The following SORCS2 variants were observed in gnomAD, a reference collection of about 807,000 sequenced individuals.
The protein encoded by SORCS2 is VPS10 domain-containing receptor SorCS2.
In SORCS2, 100 loss-of-function variants were observed where a neutral mutation model predicts 141.6. The ratio of observed to expected loss-of-function variants is 0.71; its 90% CI spans 0.60 to 0.83. The LOEUF (loss-of-function observed/expected upper bound fraction) is 0.83, where lower values mean the gene tolerates loss of function less well. Ranked by LOEUF, SORCS2 falls within the 40% of genes least tolerant of loss-of-function variation. The pLI is 0.00. For missense variants in SORCS2, 1,646 were observed against 1,560.2 expected (o/e 1.05, Z -0.93); for synonymous variants, 789 against 676.9 (o/e 1.17, Z -2.57).
intron 2 of SORCS2, among the ~76,000 whole-genome samples, chr4:7,522,200 G>A (rs1345140738): frequency 4.6e-5 from 7 of 152,348 alleles, no homozygotes; most frequent in Admixed American, 1.3e-4. Flanking sequence ...GTGTTCGCAA[G>A]TGGGAGTGGG....
At chr4:7,423,007 C>A (rs768056639) in intron 2 of SORCS2, among the ~76,000 whole-genome samples, 2 of 149,960 alleles carry the variant, frequency 1.3e-5, no homozygotes, top group South Asian at 2.2e-4. Flanking sequence ...TACCCCCCAC[C>A]CCTCTCTCCA....
intron 1 of SORCS2, among the ~76,000 whole-genome samples, chr4:7,228,241 A>G (rs748484766): frequency 2.6e-5 from 4 of 152,148 alleles, no homozygotes; most frequent in Non-Finnish European, 5.9e-5. Flanking sequence ...CTGTGAAGAT[A>G]CCAGTCACGT....
intron 2 of SORCS2, among the ~76,000 whole-genome samples, chr4:7,418,848 A>C (rs7682286): frequency 3.9e-5 from 6 of 151,954 alleles, no homozygotes; most frequent in African/African-American, 1.5e-4. Context: ...TAAGCAGCCA[A>C]TTATCTTGGT....
intron 3 of SORCS2, among the ~76,000 whole-genome samples, chr4:7,572,981 A>C (rs755850036): frequency 6.6e-6 from 1 of 152,244 alleles, no homozygotes; most frequent in Non-Finnish European, 1.5e-5. Context: ...GTCATAGTCT[A>C]AATCCCTTTG....
intron 25 of SORCS2, chr4:7,735,491 T>C (rs1360708677): frequency 6.5e-6 from 1 of 154,370 alleles, no homozygotes; most frequent in Non-Finnish European, 1.5e-5. Flanking sequence ...CTTACCCACC[T>C]TGTTACTCAA....
chr4:7,717,168 C>T (rs1296466165), intron 17 of SORCS2, among the ~76,000 whole-genome samples: 3 of 152,170 alleles, frequency 2.0e-5, no homozygotes, highest in Non-Finnish European at 4.4e-5. Flanking sequence ...TCTCCAGCCT[C>T]GTGCCACACC....
chr4:7,224,091 G>A (rs4689657), intron 1 of SORCS2, among the ~76,000 whole-genome samples: 10 of 152,002 alleles, frequency 6.6e-5, no homozygotes, highest in African/African-American at 2.2e-4. Flanking sequence ...GTGGCCTGGC[G>A]TGCTGGTTTC....
chr4:7,709,800 C>T (rs1725705319), intron 14 of SORCS2, among the ~76,000 whole-genome samples: 1 of 152,170 alleles, frequency 6.6e-6, no homozygotes, highest in South Asian at 2.1e-4. Flanking sequence ...GTCACTTTCA[C>T]CTGCCTCTCT....
chr4:7,574,201 C>T (rs959172687), intron 3 of SORCS2, among the ~76,000 whole-genome samples: 6 of 152,238 alleles, frequency 3.9e-5, no homozygotes, highest in Non-Finnish European at 7.3e-5. Flanking sequence ...TGCGCCTTTG[C>T]GGCCCCAGGA....
intron 3 of SORCS2, among the ~76,000 whole-genome samples, chr4:7,621,422 TGTGTGTGA>T (rs1331087581): frequency 1.7e-4 from 26 of 150,702 alleles, no homozygotes; most frequent in Admixed American, 9.3e-4. Flanking sequence ...TGTTTGTGTG[TGTGTGTGA>T]GTGTGTGTCT....
chr4:7,575,693 G>A lies in SORCS2; in HGVS notation c.648+44064G>A, dbSNP rs527407333. ...TGATGACCACACGTGGCTGGGAGCCGCTGGACTGGACACTTGCTCCTGTGT... is the reference window on the plus strand; with the variant it reads ...TGATGACCACACGTGGCTGGGAGCCACTGGACTGGACACTTGCTCCTGTGT... On this transcript the variant is annotated intron_variant, in intron 3 of 26. Coordinates refer to ENST00000507866, the MANE Select transcript of SORCS2 (RefSeq NM_020777.3). Among the ~76,000 whole-genome samples the A allele has an allele frequency of 1.6e-4, 25 of 152,312 alleles. No homozygotes were observed. The South Asian group carries it at 3.9e-3, about 24-fold the overall frequency.
At chr4:7,443,699 C>A (rs1277283516) in intron 2 of SORCS2, among the ~76,000 whole-genome samples, 1 of 152,246 alleles carries the variant, frequency 6.6e-6, no homozygotes, top group Non-Finnish European at 1.5e-5. Context: ...TGAGGCCACA[C>A]CTCCAGAGTC....
chr4:7,276,262 T>G (rs11937699), intron 1 of SORCS2, among the ~76,000 whole-genome samples: 14,986 of 152,162 alleles, frequency 0.098, 1,100 homozygotes, highest in Admixed American at 0.24. Context: ...TCATGGGGCT[T>G]TGGAAGAGAT....
chr4:7,657,960 AGTGAATGAGTGACTGAGTGAGTCT>A (rs1721907322), intron 5 of SORCS2, among the ~76,000 whole-genome samples: 1 of 151,346 alleles, frequency 6.6e-6, no homozygotes, highest in Non-Finnish European at 1.5e-5. Context: ...ACGAGTGATT[AGTGAATGAGTGACTGAGTGAGTCT>A]GTGATTGAGT....
intron 1 of SORCS2, among the ~76,000 whole-genome samples, chr4:7,234,301 G>A (rs757535863): frequency 7.2e-4 from 110 of 152,250 alleles, no homozygotes; most frequent in Non-Finnish European, 1.5e-3. Context: ...CCCTCCAGCT[G>A]CCAGCAGGCC....
At chr4:7,224,349 C>G (rs538520652) in intron 1 of SORCS2, among the ~76,000 whole-genome samples, 79 of 152,304 alleles carry the variant, frequency 5.2e-4, no homozygotes, top group African/African-American at 1.8e-3. Context: ...GGTGGAGTGG[C>G]TTTTTAATAA....
intron 1 of SORCS2, among the ~76,000 whole-genome samples, chr4:7,209,471 G>A (rs1453300999): frequency 1.3e-5 from 2 of 152,164 alleles, no homozygotes; most frequent in African/African-American, 2.4e-5. Flanking sequence ...GAAGCTACCA[G>A]CATCCCCTTC....
intron 1 of SORCS2, among the ~76,000 whole-genome samples, chr4:7,308,181 C>A (rs1407036778): frequency 6.6e-6 from 1 of 152,154 alleles, no homozygotes; most frequent in Non-Finnish European, 1.5e-5. Flanking sequence ...TGACTCCACC[C>A]CAGGCCGAGT....
chr4:7,226,300 G>A (rs1728986340), intron 1 of SORCS2, among the ~76,000 whole-genome samples: 1 of 152,290 alleles, frequency 6.6e-6, no homozygotes, highest in East Asian at 1.9e-4. Flanking sequence ...AGGTCACAAA[G>A]CCCAAGGAGC....
Sources: allele counts gnomAD v4.1 joint callset (sites outside exome capture counted in the v4.1 genomes callset), GRCh38; gene constraint gnomAD v4.1.1; transcripts MANE v1.5; gene names NCBI Gene and HGNC (gene_info 2026-07-23, HGNC 2026-07-21).